The following NRG3 variants were observed in gnomAD, a reference collection of about 807,000 sequenced individuals.
The protein encoded by NRG3 is neuregulin 3, also known as pro-neuregulin-3, membrane-bound isoform.
Under a neutral mutation model 66.9 loss-of-function variants are expected in NRG3, and 31 were observed. That is an observed-to-expected ratio of 0.46 (90% CI 0.35 to 0.63). The LOEUF (loss-of-function observed/expected upper bound fraction) is 0.63, where lower values mean the gene tolerates loss of function less well. Ranked by LOEUF, NRG3 falls within the 20% of genes least tolerant of loss-of-function variation. The pLI, the probability that NRG3 is intolerant of heterozygous loss-of-function variation, is 0.00. For synonymous variants in NRG3, 393 were observed against 359.4 expected (o/e 1.09, Z -1.06); for missense variants, 910 against 878.9 (o/e 1.04, Z -0.45).
chr10:82,981,566 A>G (rs1181000625), intron 8 of NRG3, among the ~76,000 whole-genome samples: 1 of 152,216 alleles, frequency 6.6e-6, no homozygotes, highest in Non-Finnish European at 1.5e-5. Flanking sequence ...GCCATCAGCC[A>G]TCTGCTCCTT....
intron 2 of NRG3, among the ~76,000 whole-genome samples, chr10:82,573,107 A>G (rs1336242212): frequency 1.3e-5 from 2 of 151,778 alleles, no homozygotes; most frequent in Non-Finnish European, 2.9e-5. Flanking sequence ...GTGACAAGAG[A>G]TTGTCTTTTC....
At chr10:82,752,654 C>T (rs937430363) in intron 3 of NRG3, among the ~76,000 whole-genome samples, 5 of 152,114 alleles carry the variant, frequency 3.3e-5, no homozygotes, top group Admixed American at 6.6e-5. Flanking sequence ...TATGTTGAAA[C>T]ATAATTACCA....
At chr10:82,399,856 G>A (rs1371824974) in intron 2 of NRG3, among the ~76,000 whole-genome samples, 1 of 152,120 alleles carries the variant, frequency 6.6e-6, no homozygotes, top group African/African-American at 2.4e-5. Flanking sequence ...ATAGGCATTT[G>A]CTAATTGTTT....
intron 2 of NRG3, among the ~76,000 whole-genome samples, chr10:82,461,346 C>G (rs927031483): frequency 3.3e-5 from 5 of 152,120 alleles, no homozygotes; most frequent in Admixed American, 1.3e-4. Context: ...ATCACCACCA[C>G]CACCATTAAC....
At chr10:82,836,430 C>T (rs1387522256) in intron 3 of NRG3, among the ~76,000 whole-genome samples, 1 of 152,156 alleles carries the variant, frequency 6.6e-6, no homozygotes, top group Non-Finnish European at 1.5e-5. Context: ...GAGCAAGAAG[C>T]AGCAGTGGAT....
intron 2 of NRG3, among the ~76,000 whole-genome samples, chr10:82,637,133 T>TA (rs2050255379): frequency 6.6e-6 from 1 of 152,206 alleles, no homozygotes; most frequent in Non-Finnish European, 1.5e-5. Context: ...TGTTATACTG[T>TA]ATATGTGTAG....
chr10:82,005,896 T>TG (rs1461138013), intron 1 of NRG3, among the ~76,000 whole-genome samples: 3 of 94,730 alleles, frequency 3.2e-5, no homozygotes, highest in Non-Finnish European at 5.8e-5. Flanking sequence ...AAATGTGTAT[T>TG]TTGTGTGTGT....
At chr10:82,893,668 C>T (rs191131052) in intron 4 of NRG3, among the ~76,000 whole-genome samples, 1 of 151,896 alleles carries the variant, frequency 6.6e-6, no homozygotes, top group Non-Finnish European at 1.5e-5. Flanking sequence ...AGCCTGGCAA[C>T]AGAGCGAGAC....
intron 5 of NRG3, among the ~76,000 whole-genome samples, chr10:82,955,819 C>T (rs918102465): frequency 3.3e-5 from 5 of 151,810 alleles, no homozygotes; most frequent in Admixed American, 6.6e-5. Flanking sequence ...CAGCAAACAC[C>T]GGTGAAGAGT....
At chr10:82,968,646 A>AGGGAGGAAGGGAGGCT (rs1365133267) in intron 6 of NRG3, among the ~76,000 whole-genome samples, 7 of 140,236 alleles carry the variant, frequency 5.0e-5, no homozygotes, top group Non-Finnish European at 9.4e-5. Context: ...CAAGGAAGGA[A>AGGGAGGAAGGGAGGCT]GGGAGGAAGG....
chr10:82,229,965 A>G (rs2076374051), intron 1 of NRG3, among the ~76,000 whole-genome samples: 1 of 152,234 alleles, frequency 6.6e-6, no homozygotes, highest in African/African-American at 2.4e-5. Flanking sequence ...AACAATTGTC[A>G]GGATAGATGA....
intron 1 of NRG3, among the ~76,000 whole-genome samples, chr10:81,971,209 T>C (rs1251432126): frequency 6.6e-6 from 1 of 152,212 alleles, no homozygotes; most frequent in Non-Finnish European, 1.5e-5. Context: ...GGCTTAAGCT[T>C]CATGCGCTTC....
chr10:82,300,422 A>G (rs904590331), intron 1 of NRG3, among the ~76,000 whole-genome samples: 3 of 152,302 alleles, frequency 2.0e-5, no homozygotes, highest in African/African-American at 7.2e-5. Flanking sequence ...TAAATTATTT[A>G]GACAGTTTTC....
intron 1 of NRG3, among the ~76,000 whole-genome samples, chr10:82,079,178 G>A (rs538108653): frequency 1.6e-3 from 240 of 151,852 alleles, no homozygotes; most frequent in Non-Finnish European, 2.3e-3. Flanking sequence ...CCGAATAGCT[G>A]GGATTACAGG....
intron 1 of NRG3, among the ~76,000 whole-genome samples, chr10:82,155,680 A>G (rs1173564138): frequency 6.6e-6 from 1 of 151,814 alleles, no homozygotes; most frequent in Non-Finnish European, 1.5e-5. Flanking sequence ...AGCATTCTGT[A>G]TTTTGCTGAC....
intron 1 of NRG3, among the ~76,000 whole-genome samples, chr10:82,153,693 G>T (rs534522183): frequency 6.6e-6 from 1 of 151,930 alleles, no homozygotes; most frequent in African/African-American, 2.4e-5. Flanking sequence ...GTGTACAAGG[G>T]TTCCCTTTTC....
intron 1 of NRG3, among the ~76,000 whole-genome samples, chr10:82,058,749 CA>C (rs1368121414): frequency 9.9e-5 from 15 of 151,772 alleles, no homozygotes; most frequent in African/African-American, 3.4e-4. Flanking sequence ...GCCTTGAGAA[CA>C]AAAATGAAAA....
chr10:82,305,993 A>G (rs116883276), intron 1 of NRG3, among the ~76,000 whole-genome samples: 3,891 of 152,318 alleles, frequency 0.026, 81 homozygotes, highest in Non-Finnish European at 0.038. Context: ...AGATATATTT[A>G]TCTGGGAAAA....
chr10:82,022,103 C>T (rs1302947407), intron 1 of NRG3, among the ~76,000 whole-genome samples: 1 of 151,858 alleles, frequency 6.6e-6, no homozygotes, highest in Non-Finnish European at 1.5e-5. Context: ...TGAGCACATA[C>T]TATGTGTGGT....
Sources: allele counts gnomAD v4.1 joint callset (sites outside exome capture counted in the v4.1 genomes callset), GRCh38; gene constraint gnomAD v4.1.1; transcripts MANE v1.5; gene names NCBI Gene and HGNC (gene_info 2026-07-23, HGNC 2026-07-21).